The following HSD17B4 variants were observed in gnomAD, a reference collection of about 807,000 sequenced individuals.
HSD17B4 encodes the protein peroxisomal multifunctional enzyme type 2.
In HSD17B4, 70 loss-of-function variants were observed where a neutral mutation model predicts 101.0. That is an observed-to-expected ratio of 0.69 (90% confidence interval 0.57 to 0.85). HSD17B4 has a LOEUF of 0.85. Among genes scored for constraint, HSD17B4 ranks in the 40% least tolerant of loss-of-function variants. The pLI, the probability that HSD17B4 is intolerant of heterozygous loss-of-function variation, is 0.00. For missense variants in HSD17B4, 984 were observed against 892.4 expected (o/e 1.10, Z -1.31); for synonymous variants, 347 against 297.1 (o/e 1.17, Z -1.73).
chr5:119,497,561 C>T (rs1019541494), intron 12 of HSD17B4, among the ~76,000 whole-genome samples: 1 of 152,146 alleles, frequency 6.6e-6, no homozygotes, highest in African/African-American at 2.4e-5. Flanking sequence ...AGGTTATATG[C>T]TCCCAGGTTC....
chr5:119,480,341 G>A (rs927941050), intron 8 of HSD17B4, among the ~76,000 whole-genome samples: 2 of 151,810 alleles, frequency 1.3e-5, no homozygotes, highest in Admixed American at 6.6e-5. Context: ...CCTAAGCATC[G>A]GCTGGCTTGA....
At chr5:119,474,135 C>A in intron 3 of HSD17B4, 120 bp downstream of exon 3, 1 of 727,392 alleles carries the variant, frequency 1.4e-6, no homozygotes, top group South Asian at 1.6e-5. Context: ...CTAAGTCTGC[C>A]AAAGTTTTCT....
At chr5:119,484,910 C>A (rs1034418611) in intron 8 of HSD17B4, among the ~76,000 whole-genome samples, 1 of 151,898 alleles carries the variant, frequency 6.6e-6, no homozygotes, top group Non-Finnish European at 1.5e-5. Context: ...TTCTCATAGT[C>A]GTGTCAAAGG....
rs1424686401 is a variant in HSD17B4 at position 119,541,945 on chromosome 5, T to C, written c.2162T>C (p.Met721Thr). The change falls in exon 24 of 24, where the codon ATG becomes ACG. Residue 721 changes from methionine (M) to threonine (T), a missense_variant. Physicochemically the swap from Met to Thr is moderately conservative, Grantham distance 81 (BLOSUM62 -1). Transcript: ENST00000510025. ...SGRLKARGNI[M>T]LSQKLQMILK... ...AGGCTGAAGGCCAGAGGGAACATCA[T>C]GCTGAGCCAGAAACTTCAGATGATT... is the stretch of plus-strand genomic sequence containing the variant. 2.5e-6 allele frequency: 4 copies of C among 1,613,234 alleles called. No homozygotes were observed. The highest frequency in any genetic ancestry group is 3.4e-6 in the Non-Finnish European group (4 of 1,179,576).
chr5:119,503,565 A>G (rs1434401168), intron 14 of HSD17B4, among the ~76,000 whole-genome samples: 1 of 152,210 alleles, frequency 6.6e-6, no homozygotes, highest in Non-Finnish European at 1.5e-5. Flanking sequence ...ACTACTGTTT[A>G]TAAAACACAC....
At chr5:119,524,961 C>G (rs969349613) in intron 17 of HSD17B4, among the ~76,000 whole-genome samples, 15 of 152,198 alleles carry the variant, frequency 9.9e-5, no homozygotes, top group Middle Eastern at 3.4e-3. Context: ...GTAGTAGTAA[C>G]AGTGTTTTAC....
rs138529227 is a variant in HSD17B4, at chr5:119,496,331, C to T, written c.869-212C>T. On this transcript the variant is annotated intron_variant, in intron 11 of 23. Coordinates refer to ENST00000510025, the MANE Select transcript of HSD17B4 (RefSeq NM_000414.4). ...ATATGCTAGACAATGTCTTGTATTT[C>T]ATTGAAGATGTCCATTTATTTTTGG... is the stretch of plus-strand genomic sequence containing the variant. 3.6e-3 allele frequency among the ~76,000 whole-genome samples: 555 copies of T among 152,330 alleles called. 1 individual carries two copies. The highest frequency in any genetic ancestry group is 0.013 in the African/African-American group (534 of 41,588).
intron 16 of HSD17B4, chr5:119,509,503 T>C: frequency 1.7e-6 from 1 of 592,544 alleles, no homozygotes; most frequent in Non-Finnish European, 3.0e-6. Flanking sequence ...TAGTAAATAT[T>C]CTTTCATTTT....
In HSD17B4 at chr5:119,473,985, A is replaced by G. The variant is rs1476913555; in HGVS notation, c.190A>G (p.Arg64Gly). The G allele has an allele frequency of 3.7e-6, 6 of 1,610,230 alleles. No individual in the cohort carries two copies. The highest frequency in any genetic ancestry group is 4.2e-6 in the Non-Finnish European group (5 of 1,176,760). The part of the protein sequence containing the change: ...AADKVVEEIR[R>G]RGGKAVANYD... ...TGATAAGGTTGTTGAAGAAATAAGA[A>G]GGAGAGGTGGAAAAGCAGTGGCCAA... The change falls in exon 3 of 24, where the codon AGG becomes GGG. Residue 64 changes from arginine to glycine, a missense_variant. Transcript: ENST00000510025.
chr5:119,502,991 C>G (rs1751311515), intron 14 of HSD17B4, among the ~76,000 whole-genome samples: 1 of 151,902 alleles, frequency 6.6e-6, no homozygotes, highest in Admixed American at 6.6e-5. Flanking sequence ...TCTAACCTGT[C>G]TGTATATCAA....
intron 11 of HSD17B4, among the ~76,000 whole-genome samples, chr5:119,494,190 G>GATGGCATAAGAT (rs1272772891): frequency 1.3e-5 from 2 of 152,104 alleles, no homozygotes; most frequent in Non-Finnish European, 2.9e-5. Context: ...TTGGGGGATG[G>GATGGCATAAGAT]ATGGCATAAG....
At position 119,475,884 on chromosome 5, in the gene HSD17B4, A is replaced by T; in HGVS notation, c.349+14A>T. The T allele has an allele frequency of 6.4e-7, 1 of 1,564,264 alleles. No individual in the cohort carries two copies. Among genetic ancestry groups the T allele is most frequent in the Non-Finnish European group, 8.8e-7 (1 of 1,134,702 alleles). On this transcript the variant is annotated intron_variant, in intron 6 of 23. Coordinates refer to ENST00000510025, the MANE Select transcript of HSD17B4 (RefSeq NM_000414.4). ...ATGAAGACTGGGGTAAGTTGTTTTT[A>T]GTATTTCTCTGGGGAACATACTTAT...
chr5:119,455,018 A>G (rs1754465752), intron 1 of HSD17B4, among the ~76,000 whole-genome samples: 1 of 152,218 alleles, frequency 6.6e-6, no homozygotes, highest in Admixed American at 6.5e-5. Context: ...TTGTTAATTA[A>G]ATTTATTCAT....
rs561194994 is a variant in HSD17B4, at chr5:119,518,316, C to G, written c.1503+3270C>G. Among the ~76,000 whole-genome samples the G allele has an allele frequency of 1.5e-3, 221 of 152,042 alleles. 1 individual carries two copies. The highest frequency in any genetic ancestry group is 5.0e-3 in the African/African-American group (209 of 41,464). Reference sequence around the variant, plus strand: ...CTTCACTCCTGAGCCAGCGAGACCACGAACCCACCAGAAGGAAGAAACTCC... The same window carrying G: ...CTTCACTCCTGAGCCAGCGAGACCAGGAACCCACCAGAAGGAAGAAACTCC... On this transcript the variant is annotated intron_variant, in intron 17 of 23. Coordinates refer to ENST00000510025, the MANE Select transcript of HSD17B4 (RefSeq NM_000414.4).
chr5:119,463,522 AT>A (rs200229610), intron 2 of HSD17B4, among the ~76,000 whole-genome samples: 2,911 of 117,742 alleles, frequency 0.025, 56 homozygotes, highest in African/African-American at 0.067. Flanking sequence ...ATCCTTTGTT[AT>A]TTTTTTTTTT....
chr5:119,517,103 A>G (rs1752681313), intron 17 of HSD17B4, among the ~76,000 whole-genome samples: 1 of 151,994 alleles, frequency 6.6e-6, no homozygotes, highest in East Asian at 1.9e-4. Context: ...GGTGGTGTGG[A>G]GGGAGAGGCG....
At chr5:119,528,619 A>G (rs1221054318) in intron 20 of HSD17B4, among the ~76,000 whole-genome samples, 1 of 152,086 alleles carries the variant, frequency 6.6e-6, no homozygotes, top group Non-Finnish European at 1.5e-5. Flanking sequence ...TTGCTTTTTG[A>G]TTAAGATTAT....
rs142461469 is a variant in HSD17B4, at chr5:119,527,846, A to C, written c.1767+627A>C. Among the ~76,000 whole-genome samples, 266 of 152,302 alleles carry C rather than the reference A, an allele frequency of 1.7e-3. 6 individuals carry two copies. In the South Asian group the frequency reaches 0.048, roughly 28 times the overall value. ...CAAAAAATCCACAAATTAACAAGTT[A>C]CATCACAGAGTCTGGGCCTAACAAA... On this transcript the variant is annotated intron_variant, in intron 20 of 23. Transcript: ENST00000510025.
intron 8 of HSD17B4, among the ~76,000 whole-genome samples, chr5:119,485,428 T>C (rs1366517071): frequency 6.6e-6 from 1 of 152,176 alleles, no homozygotes; most frequent in African/African-American, 2.4e-5. Context: ...ACTTAATCTT[T>C]CTGGATCTGT....
Sources: allele counts gnomAD v4.1 joint callset (sites outside exome capture counted in the v4.1 genomes callset), GRCh38; gene constraint gnomAD v4.1.1; transcripts MANE v1.5; gene names NCBI Gene and HGNC (gene_info 2026-07-23, HGNC 2026-07-21).